The following KIF7 variants were observed in gnomAD, a reference collection of about 807,000 sequenced individuals.
The protein encoded by KIF7 is kinesin family member 7.
KIF7 carries 104 observed loss-of-function variants against 135.7 expected under a neutral mutation model. That is an observed-to-expected ratio of 0.77 (90% CI 0.65 to 0.90). The LOEUF is 0.90. Ranked by LOEUF, KIF7 falls within the 40% of genes least tolerant of loss-of-function variation. The probability of loss-of-function intolerance (pLI) is 0.00; values close to 1 mark genes in which losing one functional copy is unlikely to be tolerated. For synonymous variants in KIF7, 883 were observed against 809.4 expected, an observed-to-expected ratio of 1.09 and a Z score of -1.54; for missense variants, 2,005 against 1,839.1, an observed-to-expected ratio of 1.09 and a Z score of -1.65.
chr15:89,643,471 A>G (rs779414680), intron 10 of KIF7, among the ~76,000 whole-genome samples: 18 of 152,222 alleles, frequency 1.2e-4, no homozygotes, highest in Non-Finnish European at 1.9e-4. Flanking sequence ...AACCAATCCC[A>G]CATAGATATC....
At position 89,628,615 on chromosome 15, in the gene KIF7, C is replaced by T. The variant is rs1963588871; in HGVS notation, c.3836G>A (p.Arg1279His). The T allele has an allele frequency of 4.3e-6, 7 of 1,613,388 alleles. No individual in the cohort carries two copies. The South Asian group carries it at 4.4e-5, about 10-fold the overall frequency. Reference protein sequence around the residue: ...VHAPLPLTWKRSSLCGEEQGS... With the variant: ...VHAPLPLTWKHSSLCGEEQGS... The stretch of plus-strand genomic sequence containing the variant: ...CTGCTCCTCACCACACAGGCTCGAG[C>T]GTTTCCAGGTCAAGGGTAACGGAGC... Residue 1279 changes from arginine (R) to histidine (H), a missense_variant, in exon 19 of 19, where the codon CGC becomes CAC. Arg to His is a conservative substitution (Grantham distance 29). Coordinates refer to ENST00000394412, the MANE Select transcript of KIF7 (RefSeq NM_198525.3).
intron 11 of KIF7, among the ~76,000 whole-genome samples, chr15:89,634,732 T>A (rs1401189369): frequency 6.6e-6 from 1 of 152,180 alleles, no homozygotes; most frequent in Non-Finnish European, 1.5e-5. Context: ...AACTGCAAGG[T>A]GGCAGCGAGG....
Position 89,639,619 on chromosome 15 carries a change from A to T in KIF7, c.2394+2584T>A, listed in dbSNP as rs1351579328. On this transcript the variant is annotated intron_variant, in intron 11 of 18. Transcript: ENST00000394412. ...ACCATCTCACACCAGTTAGAATGGC[A>T]ATCATTAAAAAGTCAGGAAACAACA... 8.2e-5 allele frequency among the ~76,000 whole-genome samples: 11 copies of T among 133,380 alleles called. No homozygotes were observed. The Admixed American group carries it at 8.5e-4, about 10-fold the overall frequency. 87.5% of individuals were successfully genotyped at this position (133,380 alleles called of 152,430 possible). A position where few individuals can be genotyped will look rare whatever the true frequency, so the allele number is the denominator to read the frequency against.
chr15:89,624,541 G>C, downstream of KIF7: 8 of 1,613,810 alleles, frequency 5.0e-6, no homozygotes, highest in Non-Finnish European at 6.8e-6. Flanking sequence ...GGTTGGCACA[G>C]CTGACAGCCC....
At position 89,633,123 on chromosome 15, in the gene KIF7, G is replaced by C; in HGVS notation, c.2718+18C>G. ...AGCCCCCAGGGGAGCCCTGGGTGCG[G>C]ACACAGCCTGGCCCCACCTGCTGCT... On this transcript the variant is annotated intron_variant, in intron 13 of 18. Coordinates refer to ENST00000394412, the MANE Select transcript of KIF7 (RefSeq NM_198525.3). 1 of 1,601,690 alleles carries C rather than the reference G, an allele frequency of 6.2e-7. No individual in the cohort carries two copies. Among genetic ancestry groups the C allele is most frequent in the Non-Finnish European group, 8.5e-7 (1 of 1,179,778 alleles).
rs768466946 is a variant in KIF7, at chr15:89,629,512, T to C, written c.3380A>G (p.Gln1127Arg). 1 of 1,611,256 alleles carries C rather than the reference T, an allele frequency of 6.2e-7. No homozygotes were observed. The highest frequency in any genetic ancestry group is 8.5e-7 in the Non-Finnish European group (1 of 1,179,982). Residue 1127 changes from glutamine to arginine, a missense_variant, in exon 17 of 19, where the codon CAG becomes CGG. Coordinates refer to ENST00000394412, the MANE Select transcript of KIF7 (RefSeq NM_198525.3). The stretch of plus-strand genomic sequence containing the variant: ...CACCAGCCTCTGCTGCTCCTCCAGC[T>C]GCATCTCCAGTTCCGAGAAGGCAAT... ...QQIAFSELEM[Q>R]LEEQQRLVYW...
exon 2 of KIF7, chr15:89,618,062 T>A: frequency 7.7e-7 from 1 of 1,298,142 alleles, no homozygotes; most frequent in Non-Finnish European, 1.1e-6. Flanking sequence ...GTGATCTTTG[T>A]GATCTTGTTA....
chr15:89,628,899 G>A (rs1963599411), intron 18 of KIF7, 77 bp downstream of exon 18: 2 of 1,611,910 alleles, frequency 1.2e-6, no homozygotes, highest in Non-Finnish European at 1.7e-6. Flanking sequence ...GCCAATAAAG[G>A]CTCGAGGGAG....
At chr15:89,631,880 C>T (rs1268573596) in intron 14 of KIF7, among the ~76,000 whole-genome samples, 170 bp from the exon 15 acceptor site, 5 of 152,276 alleles carry the variant, frequency 3.3e-5, no homozygotes, top group East Asian at 3.9e-4. Context: ...CTCCAGGAGG[C>T]GGGGCTAAAG....
rs1178081116 is a variant in KIF7 at position 89,649,184 on chromosome 15, G to T, written c.713C>A (p.Pro238His). The T allele has an allele frequency of 1.9e-6, 3 of 1,546,948 alleles. No homozygotes were observed. The highest frequency in any genetic ancestry group is 2.6e-6 in the Non-Finnish European group (3 of 1,146,282). Residue 238 changes from proline to histidine, a missense_variant, in exon 4 of 19, where the codon CCC becomes CAC. Transcript: ENST00000394412. The stretch of plus-strand genomic sequence containing the variant: ...GGAGACGAGCAGCTGGCCCGGGGCG[G>T]GGCGGGGTAGGCGGCTGGGGGCGCG... The part of the protein sequence containing the change: ...RGRAPSRLPR[P>H]APGQLLVSKF...
chr15:89,642,898 A>C (rs898838367), intron 10 of KIF7, among the ~76,000 whole-genome samples: 1 of 152,204 alleles, frequency 6.6e-6, no homozygotes, highest in African/African-American at 2.4e-5. Flanking sequence ...AGCCTCATCC[A>C]CTGCAGCGAC....
At chr15:89,626,032 C>T (rs771964595), downstream of KIF7, 2 of 1,613,792 alleles carry the variant, frequency 1.2e-6, no homozygotes, top group East Asian at 2.2e-5. Flanking sequence ...CAGGGGAAAA[C>T]ACCTTCCTCT....
chr15:89,654,048 T>C (rs1964167698), intron 1 of KIF7, among the ~76,000 whole-genome samples: 2 of 152,202 alleles, frequency 1.3e-5, no homozygotes. Flanking sequence ...CTTGCTCTGT[T>C]GCCCAGGCTG....
rs1963624030 is a variant in KIF7 at position 89,629,490 on chromosome 15, C to T, written c.3402G>A (p.Leu1134=). ...CCAGGGCCACCTCCAGCCAGTACAC[C>T]AGCCTCTGCTGCTCCTCCAGCTGCA... ...LEMQLEEQQR[L]VYWLEVALER... The change falls in exon 17 of 19, where the codon CTG becomes CTA. Residue 1134 remains leucine, a synonymous_variant. Coordinates refer to ENST00000394412, the MANE Select transcript of KIF7 (RefSeq NM_198525.3). The T allele has an allele frequency of 1.9e-6, 3 of 1,611,610 alleles. No homozygotes were observed. The highest frequency in any genetic ancestry group is 2.5e-6 in the Non-Finnish European group (3 of 1,180,004).
chr15:89,621,425 C>T (rs1232246210), intron 1 of KIF7: 18 of 1,610,434 alleles, frequency 1.1e-5, no homozygotes, highest in African/African-American at 2.7e-5. Flanking sequence ...CCAAAGTATT[C>T]GGTCTCCCAA....
intron 1 of KIF7, chr15:89,621,643 A>G (rs1489601331): frequency 1.8e-6 from 2 of 1,085,510 alleles, no homozygotes; most frequent in Non-Finnish European, 2.6e-6. Context: ...AAGAGAAAGC[A>G]GGTGACCTCT....
upstream of KIF7, among the ~76,000 whole-genome samples, chr15:89,657,459 TAGAA>T (rs1211519856): frequency 1.3e-5 from 2 of 152,248 alleles, no homozygotes; most frequent in Non-Finnish European, 2.9e-5. Flanking sequence ...TTCATGATTT[TAGAA>T]AGATTTATCT....
upstream of KIF7, among the ~76,000 whole-genome samples, chr15:89,659,406 G>C (rs996942202): frequency 2.9e-5 from 4 of 135,714 alleles, no homozygotes; most frequent in Non-Finnish European, 4.8e-5. Flanking sequence ...GTCTCAAAAA[G>C]AAGAAGGAAA....
At chr15:89,652,976 C>T (rs964366271) in intron 1 of KIF7, 22 bp from the exon 2 acceptor site, 1 of 1,446,228 alleles carries the variant, frequency 6.9e-7, no homozygotes, top group Admixed American at 2.4e-5. Flanking sequence ...GAGAGAAGCC[C>T]TGGCCATCAG....
Sources: gnomAD v4.1 joint callset for allele counts (sites outside exome capture counted in the v4.1 genomes callset) on GRCh38, gnomAD v4.1.1 for gene constraint, MANE v1.5 for transcripts, NCBI Gene and HGNC (gene_info 2026-07-23, HGNC 2026-07-21) for gene names.